The following ROR2 variants were observed in gnomAD, a reference collection of about 807,000 sequenced individuals.
ROR2 encodes the protein tyrosine-protein kinase transmembrane receptor ROR2.
A neutral mutation model predicts 74.9 loss-of-function variants in ROR2; 33 were observed. The observed-to-expected ratio is 0.44, with a 90% CI of 0.33 to 0.59. The LOEUF is 0.59. Among genes scored for constraint, ROR2 ranks in the 20% least tolerant of loss-of-function variants. The probability of loss-of-function intolerance (pLI) is 0.02; values close to 1 mark genes in which losing one functional copy is unlikely to be tolerated. For missense variants in ROR2, 1,216 were observed against 1,313.8 expected (o/e 0.93, Z 1.15); for synonymous variants, 586 against 558.7 (o/e 1.05, Z -0.69).
At chr9:91,884,361 G>C (rs907905926) in intron 1 of ROR2, among the ~76,000 whole-genome samples, 1 of 151,970 alleles carries the variant, frequency 6.6e-6, no homozygotes, top group African/African-American at 2.4e-5. Flanking sequence ...CCCTGTGACA[G>C]GGAGTCTCAG....
chr9:91,844,536 C>T (rs1046999346), intron 1 of ROR2, among the ~76,000 whole-genome samples: 2 of 152,176 alleles, frequency 1.3e-5, no homozygotes, highest in African/African-American at 4.8e-5. Context: ...TTGGGAAGGA[C>T]GCAATTCAGT....
chr9:91,857,923 G>A (rs61160043), intron 1 of ROR2, among the ~76,000 whole-genome samples: 1 of 152,134 alleles, frequency 6.6e-6, no homozygotes, highest in Non-Finnish European at 1.5e-5. Context: ...GAAATGAACA[G>A]GAGAAAATAA....
intron 1 of ROR2, among the ~76,000 whole-genome samples, chr9:91,920,753 C>T (rs942895957): frequency 2.6e-5 from 4 of 152,086 alleles, no homozygotes; most frequent in African/African-American, 7.2e-5. Flanking sequence ...GTCAAGCAGA[C>T]GATATGTTCA....
intron 1 of ROR2, among the ~76,000 whole-genome samples, chr9:91,810,349 G>A (rs1827708368): frequency 6.6e-6 from 1 of 152,202 alleles, no homozygotes. Flanking sequence ...AACATGAGAA[G>A]CCATCAGCAA....
At chr9:91,766,947 C>T (rs1391440254) in intron 2 of ROR2, among the ~76,000 whole-genome samples, 1 of 152,226 alleles carries the variant, frequency 6.6e-6, no homozygotes, top group Non-Finnish European at 1.5e-5. Context: ...CCAGTGCCCA[C>T]GTCAGCTCTC....
At chr9:91,726,790 C>G (rs1242189255) in intron 7 of ROR2, 47 bp from the exon 8 acceptor site, 1 of 1,589,384 alleles carries the variant, frequency 6.3e-7, no homozygotes, top group Non-Finnish European at 8.6e-7. Flanking sequence ...CATCCCTTTT[C>G]TACTCTAAGT....
chr9:91,775,866 G>A (rs1587707992), intron 1 of ROR2, 48 bp from the exon 2 acceptor site: 1 of 1,546,216 alleles, frequency 6.5e-7, no homozygotes, highest in African/African-American at 1.4e-5. Flanking sequence ...TTCCTTTCAG[G>A]AGCCTTTAAT....
rs1315732399 is a variant in ROR2 at position 91,948,761 on chromosome 9, TA to T, written c.97+1105del. ...GGGGATACTGAAGCCCATTTACTAG[TA>T]AGAAGTGTCTCACACATTCCGGGGG... is the stretch of plus-strand genomic sequence containing the variant. On this transcript the variant is annotated intron_variant, in intron 1 of 8. Transcript: ENST00000375708. The T allele has an allele frequency of 4.1e-6, 4 of 985,304 alleles. No homozygotes were observed. In the African/African-American group the frequency reaches 7.0e-5, roughly 17 times the overall value. The allele number at this position is 985,304 out of a possible 1,614,324, so 61.0% of individuals were successfully genotyped here.
At chr9:91,849,158 C>G (rs1012091564) in intron 1 of ROR2, among the ~76,000 whole-genome samples, 2 of 152,158 alleles carry the variant, frequency 1.3e-5, no homozygotes, top group African/African-American at 2.4e-5. Flanking sequence ...GGACCAAACC[C>G]TTTCTTGAGT....
chr9:91,891,650 T>A (rs1830422869), intron 1 of ROR2, among the ~76,000 whole-genome samples: 1 of 152,220 alleles, frequency 6.6e-6, no homozygotes, highest in South Asian at 2.1e-4. Flanking sequence ...CCGTTCCTTT[T>A]GGTTGCAGGA....
At chr9:91,939,571 C>A (rs565929263) in intron 1 of ROR2, among the ~76,000 whole-genome samples, 98 of 152,110 alleles carry the variant, frequency 6.4e-4, no homozygotes, top group African/African-American at 2.3e-3. Flanking sequence ...CTTGTGAATT[C>A]TTTTACATAC....
intron 1 of ROR2, among the ~76,000 whole-genome samples, chr9:91,946,762 A>AATG (rs10683668): frequency 0.52 from 79,082 of 151,754 alleles, 23,169 homozygotes; most frequent in African/African-American, 0.8. Context: ...CCATTTCACT[A>AATG]ATAACTTTTC....
chr9:91,778,473 C>A (rs1341083898), intron 1 of ROR2, among the ~76,000 whole-genome samples: 1 of 152,184 alleles, frequency 6.6e-6, no homozygotes, highest in Non-Finnish European at 1.5e-5. Flanking sequence ...CCCTTGCACC[C>A]CAGCTAGATG....
intron 1 of ROR2, among the ~76,000 whole-genome samples, chr9:91,869,303 C>T (rs1465067650): frequency 6.6e-6 from 1 of 152,116 alleles, no homozygotes; most frequent in African/African-American, 2.4e-5. Flanking sequence ...GCAATCCTCC[C>T]ACCTCAGCCT....
At position 91,760,589 on chromosome 9, in the gene ROR2, G is replaced by A. The variant is rs372758182; in HGVS notation, c.176-3030C>T. 2.5e-3 allele frequency among the ~76,000 whole-genome samples: 370 copies of A among 150,808 alleles called. 1 individual carries two copies. Among genetic ancestry groups the A allele is most frequent in the African/African-American group, 7.9e-3 (324 of 40,984 alleles). Reference sequence around the variant, plus strand: ...GCGGAGCTTGCAGTGAGCCGAGATCGCGCCACTGCACTCCGGCCTGGGTGA... The same window carrying A: ...GCGGAGCTTGCAGTGAGCCGAGATCACGCCACTGCACTCCGGCCTGGGTGA... On this transcript the variant is annotated intron_variant, in intron 2 of 8. Coordinates refer to ENST00000375708, the MANE Select transcript of ROR2 (RefSeq NM_004560.4).
chr9:91,790,677 G>A (rs148853322), intron 1 of ROR2, among the ~76,000 whole-genome samples: 31 of 152,236 alleles, frequency 2.0e-4, no homozygotes, highest in African/African-American at 7.0e-4. Context: ...CCCCAGGCAG[G>A]TCCCTCAGGA....
At chr9:91,894,829 A>G (rs1344751196) in intron 1 of ROR2, among the ~76,000 whole-genome samples, 1 of 152,232 alleles carries the variant, frequency 6.6e-6, no homozygotes, top group Non-Finnish European at 1.5e-5. Context: ...TTCACTGCTC[A>G]TGAGAATGCA....
At chr9:91,819,831 G>A (rs896931437) in intron 1 of ROR2, among the ~76,000 whole-genome samples, 3 of 151,994 alleles carry the variant, frequency 2.0e-5, no homozygotes, top group African/African-American at 7.3e-5. Flanking sequence ...GTCTTTGAAT[G>A]TCATTGTGTC....
In ROR2 at chr9:91,723,601, C is replaced by T; in HGVS notation, c.*61G>A. On this transcript the variant is annotated 3_prime_UTR_variant, in exon 9 of 9. Transcript: ENST00000375708. ...GAGTATGGTGTCTTCTCAAAGGTGA[C>T]TGAGGTCCCTGTGGGGTCTCGGCGG... 2 of 1,595,220 alleles carry T rather than the reference C, an allele frequency of 1.3e-6. No individual in the cohort carries two copies. Among genetic ancestry groups the T allele is most frequent in the South Asian group, 2.3e-5 (2 of 88,720 alleles).
Sources: allele counts gnomAD v4.1 joint callset (sites outside exome capture counted in the v4.1 genomes callset), GRCh38; gene constraint gnomAD v4.1.1; transcripts MANE v1.5; gene names NCBI Gene and HGNC (gene_info 2026-07-23, HGNC 2026-07-21).